UNC5C: variants seen among roughly 807,000 people sequenced by gnomAD.
UNC5C encodes unc-5 netrin receptor C.
In UNC5C, 47 loss-of-function variants were observed where a neutral mutation model predicts 99.8. The observed-to-expected ratio is 0.47, with a 90% CI of 0.37 to 0.60. The LOEUF is 0.60. UNC5C is among the 20% of genes least tolerant of loss of function. UNC5C has a pLI of 0.00. For synonymous variants in UNC5C, 487 were observed against 452.2 expected, an observed-to-expected ratio of 1.08 and a Z score of -0.98; for missense variants, 1,062 against 1,165.9, an observed-to-expected ratio of 0.91 and a Z score of 1.30.
chr4:95,227,412 C>G (rs1007151583), intron 7 of UNC5C, among the ~76,000 whole-genome samples: 9 of 152,120 alleles, frequency 5.9e-5, no homozygotes, highest in African/African-American at 2.2e-4. Flanking sequence ...CTTGGCTTCC[C>G]AAAGTGCTGG....
rs370014930 is a variant in UNC5C, at chr4:95,398,495, A to G, written c.125-62864T>C. On this transcript the variant is annotated intron_variant, in intron 1 of 15. Coordinates refer to ENST00000453304, the MANE Select transcript of UNC5C (RefSeq NM_003728.4). ...ATTTGCTAAGCACAAGGTAATAAGG[A>G]AAGTTCTACTGTAGCAGATAATTCT... Among the ~76,000 whole-genome samples, 9 of 152,312 alleles carry G rather than the reference A, an allele frequency of 5.9e-5. No homozygotes were observed. In the East Asian group the frequency reaches 9.7e-4, roughly 16 times the overall value.
chr4:95,185,546 A>AAAT (rs780597272), intron 12 of UNC5C, among the ~76,000 whole-genome samples: 2 of 152,220 alleles, frequency 1.3e-5, no homozygotes, highest in Admixed American at 6.5e-5. Context: ...ATTAAAGAAA[A>AAAT]AATAGGTAGA....
chr4:95,487,566 A>T (rs919280321), intron 1 of UNC5C, among the ~76,000 whole-genome samples: 18 of 151,772 alleles, frequency 1.2e-4, no homozygotes, highest in African/African-American at 4.3e-4. Context: ...TGATCTGGTT[A>T]AATGTGCTGT....
At chr4:95,417,339 T>C (rs1028446575) in intron 1 of UNC5C, among the ~76,000 whole-genome samples, 1 of 152,164 alleles carries the variant, frequency 6.6e-6, no homozygotes, top group African/African-American at 2.4e-5. Context: ...TTGTTTTAAA[T>C]ATGTCTCCAC....
At chr4:95,495,119 C>A (rs1310325908) in intron 1 of UNC5C, among the ~76,000 whole-genome samples, 1 of 151,532 alleles carries the variant, frequency 6.6e-6, no homozygotes, top group Non-Finnish European at 1.5e-5. Context: ...TGCCTCATAT[C>A]TACATTAATT....
At chr4:95,274,993 T>C (rs1043313518) in intron 4 of UNC5C, among the ~76,000 whole-genome samples, 1 of 147,572 alleles carries the variant, frequency 6.8e-6, no homozygotes, top group Non-Finnish European at 1.5e-5. Flanking sequence ...GCCACTGCAC[T>C]CCAGTCTGGA....
At chr4:95,379,636 A>G (rs1745003226) in intron 1 of UNC5C, among the ~76,000 whole-genome samples, 1 of 152,220 alleles carries the variant, frequency 6.6e-6, no homozygotes, top group Non-Finnish European at 1.5e-5. Flanking sequence ...TTCCGGTCAG[A>G]GAAAGAAGAA....
chr4:95,495,928 T>C (rs1032989404), intron 1 of UNC5C, among the ~76,000 whole-genome samples: 64 of 151,882 alleles, frequency 4.2e-4, no homozygotes, highest in African/African-American at 1.5e-3. Flanking sequence ...TATGGAGAAA[T>C]AGAAATTATT....
At chr4:95,339,522 T>TA (rs892829236) in intron 1 of UNC5C, among the ~76,000 whole-genome samples, 5 of 151,752 alleles carry the variant, frequency 3.3e-5, no homozygotes, top group African/African-American at 1.2e-4. Context: ...CTTGGAGCTA[T>TA]AAAAAAATTG....
intron 14 of UNC5C, among the ~76,000 whole-genome samples, chr4:95,177,686 G>T (rs1736425492): frequency 6.6e-6 from 1 of 152,048 alleles, no homozygotes. Flanking sequence ...ATATATATAT[G>T]TATTTAGAGA....
chr4:95,355,847 C>T (rs544796227), intron 1 of UNC5C, among the ~76,000 whole-genome samples: 51 of 152,218 alleles, frequency 3.4e-4, no homozygotes, highest in African/African-American at 1.2e-3. Flanking sequence ...CAATACTCTT[C>T]ATTTTACTAC....
chr4:95,305,306 A>G (rs1742023079), intron 2 of UNC5C, among the ~76,000 whole-genome samples: 2 of 152,208 alleles, frequency 1.3e-5, no homozygotes, highest in African/African-American at 2.4e-5. Flanking sequence ...GTTACATGCC[A>G]TATTTTCATA....
chr4:95,253,943 T>A (rs1489800735), intron 4 of UNC5C, among the ~76,000 whole-genome samples: 4 of 152,204 alleles, frequency 2.6e-5, no homozygotes, highest in Non-Finnish European at 5.9e-5. Context: ...CTTTTTAGAT[T>A]GTTTCCTTTA....
At chr4:95,238,240 A>T (rs1438538178) in intron 7 of UNC5C, among the ~76,000 whole-genome samples, 1 of 152,114 alleles carries the variant, frequency 6.6e-6, no homozygotes, top group East Asian at 1.9e-4. Context: ...TGATATATGT[A>T]GCTTTATTTC....
At chr4:95,270,970 GA>G (rs1399510137) in intron 4 of UNC5C, among the ~76,000 whole-genome samples, 3 of 152,172 alleles carry the variant, frequency 2.0e-5, no homozygotes, top group African/African-American at 7.2e-5. Flanking sequence ...ACCATCTGTA[GA>G]AAAATACATG....
In UNC5C at chr4:95,163,449, C is replaced by T. The variant is rs1040535065; in HGVS notation, c.*5785G>A. The T allele has an allele frequency of 6.6e-6, 1 of 152,206 alleles. No homozygotes were observed. Among genetic ancestry groups the T allele is most frequent in the African/African-American group, 2.4e-5 (1 of 41,460 alleles). 9.4% of individuals were successfully genotyped at this position (152,206 alleles called of 1,614,324 possible). Reference sequence around the variant, plus strand: ...AAAAGAGAGCCCATCAATCCTTAGGCTGCTGATCAGCAAAACCTGCCTACA... The same window carrying T: ...AAAAGAGAGCCCATCAATCCTTAGGTTGCTGATCAGCAAAACCTGCCTACA... On this transcript the variant is annotated 3_prime_UTR_variant, in exon 16 of 16. Transcript: ENST00000453304.
chr4:95,170,473 T>A, intron 14 of UNC5C, 141 bp from the exon 15 acceptor site: 1 of 1,041,028 alleles, frequency 9.6e-7, no homozygotes, highest in Non-Finnish European at 1.4e-6. Flanking sequence ...AATGGCTTCT[T>A]CTTAGCCTGA....
intron 4 of UNC5C, among the ~76,000 whole-genome samples, chr4:95,262,393 T>C (rs1441526167): frequency 6.6e-6 from 1 of 152,232 alleles, no homozygotes; most frequent in Non-Finnish European, 1.5e-5. Context: ...TACTTACTTA[T>C]GTATGAGAAG....
At chr4:95,196,463 A>G (rs1008312847) in intron 12 of UNC5C, among the ~76,000 whole-genome samples, 1 of 152,014 alleles carries the variant, frequency 6.6e-6, no homozygotes, top group South Asian at 2.1e-4. Flanking sequence ...GGTATAAAAT[A>G]ATTCCACTGT....
Sources: gnomAD v4.1 joint callset for allele counts (sites outside exome capture counted in the v4.1 genomes callset) on GRCh38, gnomAD v4.1.1 for gene constraint, MANE v1.5 for transcripts, NCBI Gene and HGNC (gene_info 2026-07-23, HGNC 2026-07-21) for gene names.